The following SH3GL3 variants were observed in gnomAD, a reference collection of about 807,000 sequenced individuals.
The protein encoded by SH3GL3 is SH3 domain containing GRB2 like 3, endophilin A3, also known as endophilin-A3.
A neutral mutation model predicts 47.7 loss-of-function variants in SH3GL3; 33 were observed. That is an observed-to-expected ratio of 0.69 (90% CI 0.52 to 0.92). The LOEUF (loss-of-function observed/expected upper bound fraction) is 0.92. SH3GL3 is among the 40% of genes least tolerant of loss of function. The pLI is 0.00. For synonymous variants in SH3GL3, 155 were observed against 148.8 expected, an observed-to-expected ratio of 1.04 and a Z score of -0.30; for missense variants, 363 against 417.8, an observed-to-expected ratio of 0.87 and a Z score of 1.14.
chr15:83,508,393 C>T (rs192670303), intron 1 of SH3GL3, among the ~76,000 whole-genome samples: 11 of 151,834 alleles, frequency 7.2e-5, no homozygotes, highest in South Asian at 4.2e-4. Flanking sequence ...CTTAGAAACA[C>T]GCTGGAGGTG....
chr15:83,515,178 A>C (rs1041090724), intron 1 of SH3GL3, among the ~76,000 whole-genome samples: 1 of 152,216 alleles, frequency 6.6e-6, no homozygotes, highest in Admixed American at 6.5e-5. Context: ...TATAGCAGCC[A>C]GAGGAAGCAA....
At chr15:83,613,748 G>A (rs2060738353) in intron 8 of SH3GL3, among the ~76,000 whole-genome samples, 1 of 151,954 alleles carries the variant, frequency 6.6e-6, no homozygotes, top group Non-Finnish European at 1.5e-5. Flanking sequence ...GATCATGTAC[G>A]AGGTGACATG....
chr15:83,526,453 G>A (rs1384310377), intron 1 of SH3GL3, among the ~76,000 whole-genome samples: 1 of 151,952 alleles, frequency 6.6e-6, no homozygotes, highest in African/African-American at 2.4e-5. Flanking sequence ...AGAAAATGTG[G>A]TACATACATA....
In SH3GL3 at chr15:83,487,273, T is replaced by C. The variant is rs1029757361; in HGVS notation, c.45+39695T>C. Reference sequence around the variant, plus strand: ...CTGCAATGACATCAATTTGATAACATGACTAGTTCAGTCGTCCCATCTTTT... The same window carrying C: ...CTGCAATGACATCAATTTGATAACACGACTAGTTCAGTCGTCCCATCTTTT... On this transcript the variant is annotated intron_variant, in intron 1 of 8. Coordinates refer to ENST00000427482, the MANE Select transcript of SH3GL3 (RefSeq NM_003027.5). Among the ~76,000 whole-genome samples the C allele has an allele frequency of 3.3e-5, 5 of 151,630 alleles. No individual in the cohort carries two copies. The South Asian group carries it at 1.1e-3, about 32-fold the overall frequency.
At chr15:83,527,712 G>T (rs2043487297) in intron 1 of SH3GL3, among the ~76,000 whole-genome samples, 1 of 152,054 alleles carries the variant, frequency 6.6e-6, no homozygotes, top group Admixed American at 6.5e-5. Flanking sequence ...TACTTTCAAG[G>T]TTATTATTGA....
intron 1 of SH3GL3, among the ~76,000 whole-genome samples, chr15:83,497,891 G>GA (rs1391763423): frequency 6.6e-6 from 1 of 152,172 alleles, no homozygotes; most frequent in East Asian, 1.9e-4. Flanking sequence ...CGTCTACTAT[G>GA]ATTCCTACCA....
intron 1 of SH3GL3, among the ~76,000 whole-genome samples, chr15:83,506,434 T>A (rs2042505821): frequency 6.6e-6 from 1 of 152,216 alleles, no homozygotes; most frequent in Non-Finnish European, 1.5e-5. Context: ...TTCTGTTGAT[T>A]CTGGCACTTT....
Position 83,473,262 on chromosome 15 carries a change from G to A in SH3GL3, c.45+25684G>A, listed in dbSNP as rs187753035. The stretch of plus-strand genomic sequence containing the variant: ...GGGTGGGTGTTGTTACTGCCTTATG[G>A]GTCTACTTGGCCTTCTCTGACACTG... On this transcript the variant is annotated intron_variant, in intron 1 of 8. Coordinates refer to ENST00000427482, the MANE Select transcript of SH3GL3 (RefSeq NM_003027.5). Among the ~76,000 whole-genome samples, 42 of 149,934 alleles carry A rather than the reference G, an allele frequency of 2.8e-4. 1 individual carries two copies. The East Asian group carries it at 8.1e-3, about 29-fold the overall frequency.
chr15:83,606,923 T>C (rs2060530026), intron 8 of SH3GL3, among the ~76,000 whole-genome samples: 2 of 152,240 alleles, frequency 1.3e-5, no homozygotes, highest in South Asian at 4.1e-4. Flanking sequence ...TTTTAAAAAA[T>C]GTTTTAAAAA....
intron 1 of SH3GL3, among the ~76,000 whole-genome samples, chr15:83,556,226 A>C (rs920175844): frequency 1.3e-5 from 2 of 152,228 alleles, no homozygotes; most frequent in Non-Finnish European, 2.9e-5. Context: ...GTCCCTGCAC[A>C]TAGTAGATGC....
intron 1 of SH3GL3, among the ~76,000 whole-genome samples, chr15:83,549,765 C>T (rs982562089): frequency 4.4e-4 from 67 of 152,150 alleles, no homozygotes; most frequent in African/African-American, 1.4e-3. Flanking sequence ...CCTCTTATAT[C>T]CTGGTTTCCT....
At chr15:83,558,406 T>G (rs2045069682) in intron 1 of SH3GL3, among the ~76,000 whole-genome samples, 1 of 152,152 alleles carries the variant, frequency 6.6e-6, no homozygotes, top group Non-Finnish European at 1.5e-5. Flanking sequence ...CACAATTTAT[T>G]GCTGTTTTTT....
intron 1 of SH3GL3, among the ~76,000 whole-genome samples, chr15:83,525,351 CGT>C (rs3078536): frequency 2.5e-3 from 363 of 148,038 alleles, no homozygotes; most frequent in Non-Finnish European, 3.7e-3. Flanking sequence ...ATTCTTTGTG[CGT>C]GTGTGTGTGT....
chr15:83,458,474 C>T (rs577405743), intron 1 of SH3GL3, among the ~76,000 whole-genome samples: 1 of 152,286 alleles, frequency 6.6e-6, no homozygotes, highest in African/African-American at 2.4e-5. Flanking sequence ...GACAGTAATG[C>T]TACTAAGTAC....
intron 6 of SH3GL3, among the ~76,000 whole-genome samples, chr15:83,582,642 ATAT>A (rs1398711918): frequency 1.4e-4 from 22 of 152,222 alleles, no homozygotes; most frequent in African/African-American, 5.3e-4. Flanking sequence ...TCACATTATT[ATAT>A]TATTACTAAT....
At position 83,511,490 on chromosome 15, in the gene SH3GL3, A is replaced by G. The variant is rs138359674; in HGVS notation, c.46-47763A>G. ...ATGTTCTTCCTATAATTTTAGTATT[A>G]AAAGTTCCTTTTTAAAATGAAAACA... On this transcript the variant is annotated intron_variant, in intron 1 of 8. Coordinates refer to ENST00000427482, the MANE Select transcript of SH3GL3 (RefSeq NM_003027.5). 1.0e-3 allele frequency among the ~76,000 whole-genome samples: 152 copies of G among 152,350 alleles called. 1 individual carries two copies. The highest frequency in any genetic ancestry group is 3.4e-3 in the African/African-American group (142 of 41,574).
chr15:83,544,197 G>A lies in SH3GL3; in HGVS notation c.46-15056G>A, dbSNP rs139268360. Among the ~76,000 whole-genome samples the A allele has an allele frequency of 2.9e-3, 443 of 151,938 alleles. 2 individuals carry two copies. The highest frequency in any genetic ancestry group is 0.01 in the African/African-American group (422 of 41,466). ...CTTTTGCTGTATCCCATAGGTTTTC[G>A]TATGTTGTATTTCCATTTTCATTTG... On this transcript the variant is annotated intron_variant, in intron 1 of 8. Coordinates refer to ENST00000427482, the MANE Select transcript of SH3GL3 (RefSeq NM_003027.5).
At position 83,612,013 on chromosome 15, in the gene SH3GL3, CA is replaced by C. The variant is rs530768134; in HGVS notation, c.839-6055del. On this transcript the variant is annotated intron_variant, in intron 8 of 8. Transcript: ENST00000427482. Reference sequence around the variant, plus strand: ...TCTTTTTTCCATTTCTGTTGTTGACCAAAAAAAAAAAAAAGCTTTAAAATCT... The same window carrying C: ...TCTTTTTTCCATTTCTGTTGTTGACCAAAAAAAAAAAAAGCTTTAAAATCT... Among the ~76,000 whole-genome samples the C allele has an allele frequency of 1.2e-3, 150 of 128,572 alleles. 1 individual carries two copies. Among genetic ancestry groups the C allele is most frequent in the Middle Eastern group, 4.1e-3 (1 of 244 alleles). The allele number at this position is 128,572 out of a possible 152,430, so 84.3% of individuals were successfully genotyped here. A position where few individuals can be genotyped will look rare whatever the true frequency, so the allele number is the denominator to read the frequency against.
At chr15:83,599,447 G>A (rs1210583262) in intron 8 of SH3GL3, among the ~76,000 whole-genome samples, 1 of 152,194 alleles carries the variant, frequency 6.6e-6, no homozygotes, top group Non-Finnish European at 1.5e-5. Flanking sequence ...AACACATGAT[G>A]TTTGGTTTTC....
Sources: allele counts gnomAD v4.1 joint callset (sites outside exome capture counted in the v4.1 genomes callset), GRCh38; gene constraint gnomAD v4.1.1; transcripts MANE v1.5; gene names NCBI Gene and HGNC (gene_info 2026-07-23, HGNC 2026-07-21).